Variants in WWOX observed in about 807,000 individuals in gnomAD.
WWOX encodes WW domain containing oxidoreductase.
Under a neutral mutation model 46.2 loss-of-function variants are expected in WWOX, and 69 were observed. The ratio of observed to expected loss-of-function variants is 1.49; its 90% CI spans 1.23 to 1.82. The LOEUF (loss-of-function observed/expected upper bound fraction) is 1.82, where lower values mean the gene tolerates loss of function less well. Ranked by LOEUF, WWOX falls within the 40% of genes most tolerant of loss-of-function variation. WWOX has a pLI of 0.00. For synonymous variants in WWOX, 359 were observed against 202.6 expected, an observed-to-expected ratio of 1.77 and a Z score of -6.56; for missense variants, 919 against 542.6, an observed-to-expected ratio of 1.69 and a Z score of -6.89.
chr16:78,996,376 ACCCCCGC>A, intron 8 of WWOX: 29 of 469,786 alleles, frequency 6.2e-5, no homozygotes, highest in Non-Finnish European at 7.0e-5. Flanking sequence ...TTCTGCACCC[ACCCCCGC>A]CCCCCAGCTT....
At chr16:78,155,578 A>G (rs1260854699) in intron 4 of WWOX, among the ~76,000 whole-genome samples, 2 of 152,180 alleles carry the variant, frequency 1.3e-5, no homozygotes, top group Non-Finnish European at 2.9e-5. Flanking sequence ...ATTGCTTTAA[A>G]ACGTCTTTCT....
intron 8 of WWOX, among the ~76,000 whole-genome samples, chr16:78,863,207 C>A (rs775688932): frequency 9.2e-5 from 14 of 152,288 alleles, no homozygotes; most frequent in Middle Eastern, 3.4e-3. Context: ...ATCCACCCGC[C>A]TTGGCCTCCC....
intron 8 of WWOX, among the ~76,000 whole-genome samples, chr16:78,912,897 A>G (rs2045148541): frequency 6.6e-6 from 1 of 151,970 alleles, no homozygotes; most frequent in African/African-American, 2.4e-5. Context: ...CTTGGAAAAC[A>G]CTATCCATTA....
chr16:79,208,531 T>C (rs1031150567), intron 8 of WWOX, among the ~76,000 whole-genome samples: 1 of 152,250 alleles, frequency 6.6e-6, no homozygotes, highest in Non-Finnish European at 1.5e-5. Flanking sequence ...TTAACATTAT[T>C]TCCTTTAGAT....
intron 8 of WWOX, among the ~76,000 whole-genome samples, chr16:78,742,004 T>C (rs2049239863): frequency 6.6e-6 from 1 of 152,186 alleles, no homozygotes; most frequent in African/African-American, 2.4e-5. Flanking sequence ...TCCTATCCTC[T>C]CTTCCCACCC....
intron 6 of WWOX, among the ~76,000 whole-genome samples, chr16:78,419,528 AAT>A (rs1314393641): frequency 6.6e-6 from 1 of 151,818 alleles, no homozygotes; most frequent in Non-Finnish European, 1.5e-5. Context: ...GACAATTCAA[AAT>A]AGTCTTTTCA....
chr16:78,900,219 G>A (rs555341447), intron 8 of WWOX, among the ~76,000 whole-genome samples: 22 of 152,026 alleles, frequency 1.4e-4, no homozygotes, highest in Middle Eastern at 3.4e-3. Context: ...ATTTGTTTAT[G>A]ACGAGATTAA....
intron 1 of WWOX, among the ~76,000 whole-genome samples, chr16:78,100,623 G>C (rs2031711804): frequency 6.6e-6 from 1 of 152,220 alleles, no homozygotes; most frequent in African/African-American, 2.4e-5. Context: ...AACCCCAGCA[G>C]AGCCTTCATC....
At chr16:78,612,354 C>G (rs1036631517) in intron 8 of WWOX, among the ~76,000 whole-genome samples, 1 of 152,336 alleles carries the variant, frequency 6.6e-6, no homozygotes, top group African/African-American at 2.4e-5. Flanking sequence ...TTTGATGGGT[C>G]ATCCTATGAA....
chr16:78,879,875 C>G (rs746252240), intron 8 of WWOX, among the ~76,000 whole-genome samples: 1 of 80,284 alleles, frequency 1.2e-5, no homozygotes, highest in Non-Finnish European at 2.9e-5. Context: ...AAAACTCTGT[C>G]TCAAAAAAAA....
intron 8 of WWOX, among the ~76,000 whole-genome samples, chr16:79,143,713 G>T (rs1046009349): frequency 1.3e-5 from 2 of 152,132 alleles, no homozygotes; most frequent in Admixed American, 1.3e-4. Context: ...CCTTATAGCA[G>T]CCCTGAGGGA....
chr16:78,653,067 A>G (rs2047001567), intron 8 of WWOX, among the ~76,000 whole-genome samples: 1 of 152,196 alleles, frequency 6.6e-6, no homozygotes, highest in Admixed American at 6.5e-5. Flanking sequence ...ATCACTCTTA[A>G]TATTTTGTTG....
intron 8 of WWOX, among the ~76,000 whole-genome samples, chr16:79,019,780 G>C (rs997427408): frequency 5.3e-5 from 8 of 152,112 alleles, no homozygotes; most frequent in African/African-American, 1.7e-4. Flanking sequence ...GAAGGCTTGA[G>C]TTTAATTTCT....
In WWOX at chr16:78,333,043, CTTT is replaced by C. The variant is rs11289222; in HGVS notation, c.517-53795_517-53793del. Among the ~76,000 whole-genome samples the C allele has an allele frequency of 5.1e-3, 292 of 57,114 alleles. 2 individuals carry two copies. Among genetic ancestry groups the C allele is most frequent in the Non-Finnish European group, 6.1e-3 (161 of 26,256 alleles). 37.5% of individuals were successfully genotyped at this position (57,114 alleles called of 152,430 possible). ...CTGAGTAGCATGGAAGAGCATTATA[CTTT>C]TTTTTTTTTTTTTTTTTTTTTGAGA... On this transcript the variant is annotated intron_variant, in intron 5 of 8. Coordinates refer to ENST00000566780, the MANE Select transcript of WWOX (RefSeq NM_016373.4).
At chr16:78,228,797 T>G (rs2037153564) in intron 5 of WWOX, among the ~76,000 whole-genome samples, 1 of 152,210 alleles carries the variant, frequency 6.6e-6, no homozygotes, top group Admixed American at 6.5e-5. Flanking sequence ...TGGAAGACCC[T>G]TCATTTACCA....
intron 8 of WWOX, among the ~76,000 whole-genome samples, chr16:78,673,823 T>C (rs139952439): frequency 2.2e-3 from 336 of 152,310 alleles, no homozygotes; most frequent in Admixed American, 4.3e-3. Flanking sequence ...GTGCAAGATT[T>C]CTATCGTATC....
intron 8 of WWOX, among the ~76,000 whole-genome samples, chr16:79,117,376 AT>A (rs1275070320): frequency 6.6e-6 from 1 of 152,214 alleles, no homozygotes; most frequent in African/African-American, 2.4e-5. Context: ...GGCATAAATT[AT>A]TCAGTAAATC....
chr16:79,045,165 T>G (rs1291484783), intron 8 of WWOX, among the ~76,000 whole-genome samples: 1 of 152,208 alleles, frequency 6.6e-6, no homozygotes, highest in African/African-American at 2.4e-5. Context: ...TTACAAGTGT[T>G]AAATTAAATC....
chr16:78,598,138 A>G (rs915345661), intron 8 of WWOX, among the ~76,000 whole-genome samples: 2 of 152,194 alleles, frequency 1.3e-5, no homozygotes, highest in African/African-American at 4.8e-5. Flanking sequence ...ATTTTCTACA[A>G]GCTGAGGGAG....
Sources: gnomAD v4.1 joint callset for allele counts (sites outside exome capture counted in the v4.1 genomes callset) on GRCh38, gnomAD v4.1.1 for gene constraint, MANE v1.5 for transcripts, NCBI Gene and HGNC (gene_info 2026-07-23, HGNC 2026-07-21) for gene names.